The following KCNIP4 variants were observed in gnomAD, a reference collection of about 807,000 sequenced individuals.
KCNIP4 encodes Kv channel-interacting protein 4.
In KCNIP4, 12 loss-of-function variants were observed where a neutral mutation model predicts 34.0. The ratio of observed to expected loss-of-function variants is 0.35; its 90% confidence interval spans 0.23 to 0.57. The LOEUF (loss-of-function observed/expected upper bound fraction) is 0.57. KCNIP4 is among the 20% of genes least tolerant of loss of function. The pLI, the probability that KCNIP4 is intolerant of heterozygous loss-of-function variation, is 0.83. For missense variants in KCNIP4, 238 were observed against 311.7 expected (o/e 0.76, Z 1.78); for synonymous variants, 124 against 102.2 (o/e 1.21, Z -1.29).
chr4:21,432,607 C>A (rs1726592121), intron 1 of KCNIP4, among the ~76,000 whole-genome samples: 1 of 152,064 alleles, frequency 6.6e-6, no homozygotes, highest in African/African-American at 2.4e-5. Context: ...AAAGGCGAAG[C>A]AAATGATTTT....
chr4:20,850,490 T>A, intron 3 of KCNIP4, 53 bp downstream of exon 3: 1 of 1,586,436 alleles, frequency 6.3e-7, no homozygotes, highest in Non-Finnish European at 8.6e-7. Context: ...CTCTCATTTC[T>A]CAATGCTCCT....
intron 1 of KCNIP4, among the ~76,000 whole-genome samples, chr4:21,249,082 A>G (rs1760497842): frequency 6.6e-6 from 1 of 152,114 alleles, no homozygotes; most frequent in Non-Finnish European, 1.5e-5. Flanking sequence ...TTTAAAGTGT[A>G]AGGTAGAAAT....
At chr4:20,818,310 T>A (rs1179569677) in intron 3 of KCNIP4, among the ~76,000 whole-genome samples, 1 of 152,172 alleles carries the variant, frequency 6.6e-6, no homozygotes, top group African/African-American at 2.4e-5. Context: ...ATTGGGGTGG[T>A]GGTGGTGGTA....
chr4:21,266,853 T>A (rs1407545688), intron 1 of KCNIP4, among the ~76,000 whole-genome samples: 1 of 152,136 alleles, frequency 6.6e-6, no homozygotes, highest in Non-Finnish European at 1.5e-5. Context: ...ATAATTTGGC[T>A]ATAGTGAGGA....
At chr4:20,941,646 A>G (rs2149620261) in intron 1 of KCNIP4, among the ~76,000 whole-genome samples, 1 of 152,364 alleles carries the variant, frequency 6.6e-6, no homozygotes, top group East Asian at 1.9e-4. Context: ...ATCCAATGAA[A>G]TGCCATACAG....
At chr4:21,711,420 T>C (rs534047190) in intron 1 of KCNIP4, among the ~76,000 whole-genome samples, 10 of 152,138 alleles carry the variant, frequency 6.6e-5, no homozygotes, top group African/African-American at 2.2e-4. Context: ...TGCAGTGAAC[T>C]GCAGTGAACC....
chr4:21,416,872 A>C (rs1185614728), intron 1 of KCNIP4, among the ~76,000 whole-genome samples: 1 of 152,210 alleles, frequency 6.6e-6, no homozygotes, highest in African/African-American at 2.4e-5. Context: ...AGAAGACAGA[A>C]TCACATGCTT....
intron 1 of KCNIP4, among the ~76,000 whole-genome samples, chr4:21,834,501 G>A (rs1196168397): frequency 1.3e-4 from 20 of 151,740 alleles, no homozygotes; most frequent in African/African-American, 4.6e-4. Flanking sequence ...GGCTGAGACA[G>A]TGGGGTTTTC....
At chr4:21,050,287 A>G (rs565258894) in intron 1 of KCNIP4, among the ~76,000 whole-genome samples, 1 of 152,342 alleles carries the variant, frequency 6.6e-6, no homozygotes, top group Non-Finnish European at 1.5e-5. Context: ...TCATTTAAAT[A>G]TAACTAAATG....
At chr4:21,459,966 CA>C (rs1423172996) in intron 1 of KCNIP4, among the ~76,000 whole-genome samples, 2 of 152,042 alleles carry the variant, frequency 1.3e-5, no homozygotes, top group Non-Finnish European at 2.9e-5. Context: ...CCTCTCTACA[CA>C]AGGGCCACAG....
At chr4:21,740,042 A>T (rs1716290075) in intron 1 of KCNIP4, among the ~76,000 whole-genome samples, 2 of 152,112 alleles carry the variant, frequency 1.3e-5, no homozygotes, top group African/African-American at 4.8e-5. Flanking sequence ...TGCTGCATAT[A>T]CTTGAGTAAC....
chr4:21,511,448 G>A (rs1206569491), intron 1 of KCNIP4, among the ~76,000 whole-genome samples: 1 of 151,856 alleles, frequency 6.6e-6, no homozygotes, highest in African/African-American at 2.4e-5. Flanking sequence ...TAACAATATT[G>A]CATTATGTAG....
chr4:21,779,405 T>C (rs1719428587), intron 1 of KCNIP4, among the ~76,000 whole-genome samples: 1 of 152,050 alleles, frequency 6.6e-6, no homozygotes, highest in South Asian at 2.1e-4. Flanking sequence ...TAATATATAT[T>C]TGAAAATTGA....
chr4:21,364,819 G>A (rs1166820370), intron 1 of KCNIP4, among the ~76,000 whole-genome samples: 1 of 152,210 alleles, frequency 6.6e-6, no homozygotes, highest in Non-Finnish European at 1.5e-5. Flanking sequence ...TGATTTCATA[G>A]TATGAAGAGT....
intron 1 of KCNIP4, among the ~76,000 whole-genome samples, chr4:21,053,253 ATT>A (rs1743091883): frequency 6.6e-6 from 1 of 152,180 alleles, no homozygotes; most frequent in African/African-American, 2.4e-5. Flanking sequence ...AGTCAGAGAT[ATT>A]TTTATGCAAA....
In KCNIP4 at chr4:21,455,625, G is replaced by T. The variant is rs1303653029; in HGVS notation, c.61+492946C>A. On this transcript the variant is annotated intron_variant, in intron 1 of 8. Transcript: ENST00000382152. ...CATTTTACAGATAAAGAAACTGAAG[G>T]TTTTTTTTTTTTTCAGTTATGAAGG... Among the ~76,000 whole-genome samples the T allele has an allele frequency of 4.6e-4, 64 of 140,038 alleles. No individual in the cohort carries two copies. The South Asian group carries it at 8.0e-3, about 18-fold the overall frequency. 91.9% of individuals were successfully genotyped at this position (140,038 alleles called of 152,430 possible). A position where few individuals can be genotyped will look rare whatever the true frequency, so the allele number is the denominator to read the frequency against.
At chr4:21,076,937 A>G (rs1176541413) in intron 1 of KCNIP4, among the ~76,000 whole-genome samples, 5 of 152,102 alleles carry the variant, frequency 3.3e-5, no homozygotes, top group Non-Finnish European at 7.4e-5. Context: ...AGTCTGGCAA[A>G]CATGGTGAAA....
At chr4:21,947,836 C>G (rs1158583950) in intron 1 of KCNIP4, among the ~76,000 whole-genome samples, 1 of 152,168 alleles carries the variant, frequency 6.6e-6, no homozygotes. Flanking sequence ...TCGATGCAAC[C>G]CAAGACGCTT....
At chr4:21,175,050 C>A (rs921696445) in intron 1 of KCNIP4, among the ~76,000 whole-genome samples, 2 of 151,842 alleles carry the variant, frequency 1.3e-5, no homozygotes, top group Non-Finnish European at 2.9e-5. Context: ...CCAAGATGGC[C>A]TTAATGTCTC....
Sources: allele counts gnomAD v4.1 joint callset (sites outside exome capture counted in the v4.1 genomes callset), GRCh38; gene constraint gnomAD v4.1.1; transcripts MANE v1.5; gene names NCBI Gene and HGNC (gene_info 2026-07-23, HGNC 2026-07-21).